MUCL1: variants seen among roughly 807,000 people sequenced by gnomAD.
MUCL1 encodes the protein mucin like 1.
MUCL1 carries 11 observed loss-of-function variants against 9.2 expected under a neutral mutation model. That is an observed-to-expected ratio of 1.19 (90% CI 0.75 to 1.97). MUCL1 has a LOEUF of 1.97. MUCL1 is among the 30% of genes most tolerant of loss of function. The pLI is 0.00. For missense variants in MUCL1, 144 were observed against 110.9 expected (o/e 1.30, Z -1.34); for synonymous variants, 48 against 40.5 (o/e 1.19, Z -0.71).
At chr12:54,848,498 T>C (rs1959288715) in intron 1 of MUCL1, among the ~76,000 whole-genome samples, 1 of 152,242 alleles carries the variant, frequency 6.6e-6, no homozygotes, top group Non-Finnish European at 1.5e-5. Flanking sequence ...TCTAATCGTA[T>C]ATTGTGAATA....
upstream of MUCL1, among the ~76,000 whole-genome samples, chr12:54,837,992 T>G (rs983704852): frequency 4.6e-5 from 7 of 152,236 alleles, no homozygotes; most frequent in Non-Finnish European, 1.0e-4. Flanking sequence ...ACCTTGATAC[T>G]TTGCTATCTT....
At chr12:54,834,127 T>G (rs1273878521) in intron 1 of MUCL1, among the ~76,000 whole-genome samples, 1 of 152,178 alleles carries the variant, frequency 6.6e-6, no homozygotes, top group Non-Finnish European at 1.5e-5. Flanking sequence ...GCTTTGATTT[T>G]GTTCTATATA....
upstream of MUCL1, among the ~76,000 whole-genome samples, chr12:54,851,688 G>A (rs1959342064): frequency 6.6e-6 from 1 of 152,108 alleles, no homozygotes; most frequent in Admixed American, 6.6e-5. Flanking sequence ...GAAATAAAGG[G>A]TATTCAATTA....
Position 54,843,802 on chromosome 12 carries a change from G to A in MUCL1, c.43+4355G>A, listed in dbSNP as rs114525166. ...ATGCAACCCTTGATTTTGGCCTAGTGAGACCCATTTCAGACTTCTGGACTG... is the reference window on the plus strand; with the variant it reads ...ATGCAACCCTTGATTTTGGCCTAGTAAGACCCATTTCAGACTTCTGGACTG... On this transcript the variant is annotated intron_variant, in intron 1 of 3. Coordinates refer to the MUCL1 transcript ENST00000546809. Among the ~76,000 whole-genome samples the A allele has an allele frequency of 5.5e-3, 841 of 152,270 alleles. 4 individuals carry two copies. The highest frequency in any genetic ancestry group is 0.018 in the African/African-American group (748 of 41,550).
At chr12:54,850,655 A>G (rs966631359), upstream of MUCL1, among the ~76,000 whole-genome samples, 1 of 152,196 alleles carries the variant, frequency 6.6e-6, no homozygotes, top group Non-Finnish European at 1.5e-5. Flanking sequence ...CATGATTTAT[A>G]ATCCTTTGGG....
intron 3 of MUCL1, 140 bp downstream of exon 3, chr12:54,857,032 G>A: frequency 7.6e-7 from 1 of 1,312,814 alleles, no homozygotes. Context: ...TAGTTTCTAA[G>A]TCAAGTCAAC....
chr12:54,834,902 C>G (rs1959190405), upstream of MUCL1, among the ~76,000 whole-genome samples: 1 of 152,086 alleles, frequency 6.6e-6, no homozygotes, highest in South Asian at 2.1e-4. Flanking sequence ...CTTCCTTCCA[C>G]TCTCCTCCAT....
chr12:54,833,223 C>CA (rs1959187713), intron 1 of MUCL1, among the ~76,000 whole-genome samples: 1 of 152,084 alleles, frequency 6.6e-6, no homozygotes, highest in Non-Finnish European at 1.5e-5. Flanking sequence ...CACACACATC[C>CA]AACCTTTTGA....
intron 1 of MUCL1, among the ~76,000 whole-genome samples, chr12:54,847,271 C>G (rs1195172511): frequency 6.6e-6 from 1 of 152,166 alleles, no homozygotes; most frequent in Non-Finnish European, 1.5e-5. Flanking sequence ...ATTTTTCTCT[C>G]TGTCTCTTAG....
upstream of MUCL1, among the ~76,000 whole-genome samples, chr12:54,837,847 T>G (rs1959195739): frequency 6.6e-6 from 1 of 152,224 alleles, no homozygotes; most frequent in African/African-American, 2.4e-5. Context: ...GATATTTGGT[T>G]TGTGATTTTT....
chr12:54,844,158 C>T (rs1410139392), intron 1 of MUCL1, among the ~76,000 whole-genome samples: 1 of 152,208 alleles, frequency 6.6e-6, no homozygotes, highest in African/African-American at 2.4e-5. Context: ...ATTTTTTCAA[C>T]ATTTGGGAAG....
At chr12:54,843,061 G>C (rs1316697970) in intron 1 of MUCL1, among the ~76,000 whole-genome samples, 1 of 152,138 alleles carries the variant, frequency 6.6e-6, no homozygotes, top group Non-Finnish European at 1.5e-5. Context: ...ATACTATATA[G>C]CTTAGGTATG....
chr12:54,844,908 T>A (rs1378072), intron 1 of MUCL1, among the ~76,000 whole-genome samples: 63,410 of 152,086 alleles, frequency 0.42, 14,560 homozygotes, highest in East Asian at 0.83. Context: ...ACACAAAAAC[T>A]ATTTTAATAG....
At chr12:54,853,169 G>A (rs954328134), upstream of MUCL1, among the ~76,000 whole-genome samples, 5 of 152,138 alleles carry the variant, frequency 3.3e-5, no homozygotes, top group African/African-American at 7.2e-5. Flanking sequence ...CTTCCAATGA[G>A]GGTATGACCC....
upstream of MUCL1, among the ~76,000 whole-genome samples, chr12:54,854,108 C>G (rs1318417074): frequency 3.9e-5 from 6 of 152,140 alleles, no homozygotes; most frequent in Non-Finnish European, 8.8e-5. Context: ...GCTGCTCTAC[C>G]CTGATTATTC....
intron 1 of MUCL1, among the ~76,000 whole-genome samples, chr12:54,832,678 G>C (rs949932290): frequency 3.9e-5 from 6 of 152,048 alleles, no homozygotes; most frequent in Admixed American, 2.6e-4. Flanking sequence ...AACTGACTGA[G>C]ACATCACAGA....
chr12:54,836,838 C>A (rs1371428568), upstream of MUCL1, among the ~76,000 whole-genome samples: 1 of 152,154 alleles, frequency 6.6e-6, no homozygotes, highest in Non-Finnish European at 1.5e-5. Flanking sequence ...TCATTGTTAA[C>A]CTCAAAATCA....
At chr12:54,838,105 AT>A (rs1288456097), upstream of MUCL1, among the ~76,000 whole-genome samples, 7 of 152,146 alleles carry the variant, frequency 4.6e-5, no homozygotes, top group African/African-American at 1.7e-4. Flanking sequence ...TCCTTTTAGC[AT>A]TTCTTGTAGG....
upstream of MUCL1, chr12:54,854,430 T>C: frequency 1.7e-6 from 1 of 592,718 alleles, no homozygotes; most frequent in Non-Finnish European, 3.0e-6. Context: ...CAACGTTTCC[T>C]GGCATTACCT....
Sources: allele counts gnomAD v4.1 joint callset (sites outside exome capture counted in the v4.1 genomes callset), GRCh38; gene constraint gnomAD v4.1.1; transcripts MANE v1.5; gene names NCBI Gene and HGNC (gene_info 2026-07-23, HGNC 2026-07-21).